Variants in PPP1R1A observed in about 807,000 individuals in gnomAD.
The protein encoded by PPP1R1A is protein phosphatase 1 regulatory inhibitor subunit 1A, also known as protein phosphatase 1 regulatory subunit 1A.
Under a neutral mutation model 23.9 loss-of-function variants are expected in PPP1R1A, and 18 were observed. The ratio of observed to expected loss-of-function variants is 0.75; its 90% CI spans 0.52 to 1.12. The LOEUF (loss-of-function observed/expected upper bound fraction) is 1.12, where lower values mean the gene tolerates loss of function less well. Among genes scored for constraint, PPP1R1A ranks in the 50% most tolerant of loss-of-function variants. The pLI, the probability that PPP1R1A is intolerant of heterozygous loss-of-function variation, is 0.00. For synonymous variants in PPP1R1A, 84 were observed against 80.7 expected (o/e 1.04, Z -0.22); for missense variants, 207 against 223.8 (o/e 0.92, Z 0.48).
chr12:54,583,799 C>G (rs182671678), intron 2 of PPP1R1A, among the ~76,000 whole-genome samples: 16 of 152,336 alleles, frequency 1.1e-4, no homozygotes, highest in Admixed American at 6.5e-4. Context: ...TCTCTGAGAA[C>G]TTGTTTTCTC....
chr12:54,580,254 C>G lies in PPP1R1A; in HGVS notation c.*133G>C. On this transcript the variant is annotated 3_prime_UTR_variant, in exon 7 of 7. Transcript: ENST00000257905. ...TCCCAGTTGGAAAAGAAGGAAAGTGCCAAGGACCTAACACCAAATTTATCA... is the reference window on the plus strand; with the variant it reads ...TCCCAGTTGGAAAAGAAGGAAAGTGGCAAGGACCTAACACCAAATTTATCA... 1 of 1,488,556 alleles carries G rather than the reference C, an allele frequency of 6.7e-7. No individual in the cohort carries two copies. Among genetic ancestry groups the G allele is most frequent in the Non-Finnish European group, 9.0e-7 (1 of 1,115,256 alleles). The allele number at this position is 1,488,556 out of a possible 1,614,324, so 92.2% of individuals were successfully genotyped here.
intron 6 of PPP1R1A, 54 bp downstream of exon 6, chr12:54,580,890 C>T (rs1172569515): frequency 7.1e-7 from 1 of 1,417,830 alleles, no homozygotes; most frequent in Non-Finnish European, 1.0e-6. Flanking sequence ...TTGCTTTTGT[C>T]CACAATATTA....
At chr12:54,582,206 C>T in intron 4 of PPP1R1A, 75 bp from the exon 5 acceptor site, 2 of 1,448,544 alleles carry the variant, frequency 1.4e-6, no homozygotes, top group Non-Finnish European at 1.8e-6. Flanking sequence ...CCGGATTCAA[C>T]AGCCCCACTA....
Position 54,588,507 on chromosome 12 carries a change from T to C in PPP1R1A, c.-19A>G. On this transcript the variant is annotated 5_prime_UTR_variant, in exon 1 of 7. Transcript: ENST00000257905. ...GCTCCATGGCTGGGGCGGCGGCCGG[T>C]GGGCCCGCGCTGCGGCGGGAGGGAA... 1 of 1,330,840 alleles carries C rather than the reference T, an allele frequency of 7.5e-7. No homozygotes were observed. Among genetic ancestry groups the C allele is most frequent in the Admixed American group, 3.5e-5 (1 of 28,444 alleles). 82.4% of individuals were successfully genotyped at this position (1,330,840 alleles called of 1,614,324 possible). A position where few individuals can be genotyped will look rare whatever the true frequency, so the allele number is the denominator to read the frequency against.
Position 54,579,893 on chromosome 12 carries a change from G to A in PPP1R1A, c.*494C>T. 1 of 986,666 alleles carries A rather than the reference G, an allele frequency of 1.0e-6. No individual in the cohort carries two copies. The highest frequency in any genetic ancestry group is 5.2e-4 in the Middle Eastern group (1 of 1,918). 61.1% of individuals were successfully genotyped at this position (986,666 alleles called of 1,614,324 possible). On this transcript the variant is annotated 3_prime_UTR_variant, in exon 7 of 7. Coordinates refer to ENST00000257905, the MANE Select transcript of PPP1R1A (RefSeq NM_006741.4). ...GGTGCAGTTCCCCTTTTGTCCAGCA[G>A]ATGGAGCCCACCGCACAGTCACAGC...
Position 54,588,597 on chromosome 12 carries a change from G to C in PPP1R1A, c.-109C>G. On this transcript the variant is annotated 5_prime_UTR_variant, in exon 1 of 7. Transcript: ENST00000257905. Reference sequence around the variant, plus strand: ...CCGCTCCGCTCCGGCCCCGGCCCCAGCCCGGCGCGCTCGGCTCCCGGCTCC... The same window carrying C: ...CCGCTCCGCTCCGGCCCCGGCCCCACCCCGGCGCGCTCGGCTCCCGGCTCC... The C allele has an allele frequency of 1.9e-6, 1 of 533,490 alleles. No individual in the cohort carries two copies. Among genetic ancestry groups the C allele is most frequent in the Non-Finnish European group, 2.7e-6 (1 of 375,740 alleles). The allele number at this position is 533,490 out of a possible 1,614,324, so 33.0% of individuals were successfully genotyped here.
Position 54,579,656 on chromosome 12 carries a change from C to A in PPP1R1A, c.*731G>T. The A allele has an allele frequency of 1.0e-6, 1 of 985,474 alleles. No homozygotes were observed. Among genetic ancestry groups the A allele is most frequent in the Non-Finnish European group, 1.2e-6 (1 of 829,970 alleles). 61.0% of individuals were successfully genotyped at this position (985,474 alleles called of 1,614,324 possible). The stretch of plus-strand genomic sequence containing the variant: ...AATGTCTAGGACAAGGGAACCCTTC[C>A]AGTCTCCAGCATGGGCCTCTTCATT... On this transcript the variant is annotated 3_prime_UTR_variant, in exon 7 of 7. Coordinates refer to ENST00000257905, the MANE Select transcript of PPP1R1A (RefSeq NM_006741.4).
rs1957826167 is a variant in PPP1R1A, at chr12:54,579,294, C to T, written c.*1093G>A. 1.0e-6 allele frequency: 1 copy of T among 984,994 alleles called. No individual in the cohort carries two copies. Among genetic ancestry groups the T allele is most frequent in the Non-Finnish European group, 1.2e-6 (1 of 829,918 alleles). The allele number at this position is 984,994 out of a possible 1,614,324, so 61.0% of individuals were successfully genotyped here. A position where few individuals can be genotyped will look rare whatever the true frequency, so the allele number is the denominator to read the frequency against. ...TTGACCAAGCATCTTCACATACATA[C>T]ACTCTTTCCAGCATGATAAAATCTG... is the stretch of plus-strand genomic sequence containing the variant. On this transcript the variant is annotated 3_prime_UTR_variant, in exon 7 of 7. Coordinates refer to ENST00000257905, the MANE Select transcript of PPP1R1A (RefSeq NM_006741.4).
Position 54,581,922 on chromosome 12 carries a change from C to T in PPP1R1A, c.403+54G>A, listed in dbSNP as rs1165648803. 2.6e-6 allele frequency: 4 copies of T among 1,562,564 alleles called. No homozygotes were observed. In the African/African-American group the frequency reaches 4.1e-5, roughly 16 times the overall value. ...CCTCCCCGCAGTGGGTAAGGCTTGCCTCCTGCTGGGCTGGGAAATAGGATG... is the reference window on the plus strand; with the variant it reads ...CCTCCCCGCAGTGGGTAAGGCTTGCTTCCTGCTGGGCTGGGAAATAGGATG... On this transcript the variant is annotated intron_variant, in intron 5 of 6. Coordinates refer to ENST00000257905, the MANE Select transcript of PPP1R1A (RefSeq NM_006741.4). This position sits in a 1 kb window ranked among gnomAD's most constrained non-coding sequence, Gnocchi z 4.1.
rs1194851242 is a variant in PPP1R1A, at chr12:54,581,848, A to C, written c.403+128T>G. On this transcript the variant is annotated intron_variant, in intron 5 of 6. Transcript: ENST00000257905. This position sits in a 1 kb window ranked among gnomAD's most constrained non-coding sequence, Gnocchi z 4.1. ...ACATGCCAACAGATCCATATCCTTG[A>C]GACAGTTTTTGCCTACTACTAGGCC... 1.5e-5 allele frequency: 15 copies of C among 974,350 alleles called. No individual in the cohort carries two copies. The highest frequency in any genetic ancestry group is 3.3e-4 in the Middle Eastern group (1 of 3,008). 60.4% of individuals were successfully genotyped at this position (974,350 alleles called of 1,614,324 possible). A position where few individuals can be genotyped will look rare whatever the true frequency, so the allele number is the denominator to read the frequency against.
intron 4 of PPP1R1A, among the ~76,000 whole-genome samples, 184 bp from the exon 5 acceptor site, chr12:54,582,315 A>C (rs1957862970): frequency 6.6e-6 from 1 of 152,136 alleles, no homozygotes. Context: ...TGAAAACTAG[A>C]CCATAAAAAG....
Position 54,582,094 on chromosome 12 carries a change from C to T in PPP1R1A, c.285G>A (p.Gln95=). Residue 95 remains glutamine (Q), a synonymous_variant, in exon 5 of 7, where the codon CAG becomes CAA. Coordinates refer to ENST00000257905, the MANE Select transcript of PPP1R1A (RefSeq NM_006741.4). ...QMMVEHHLGQ[Q]QQGEEPEGAA... ...CCCCCTCAGGTTCCTCTCCTTGCTGCTGTTGCCCCAGGTGATGTTCAACCA... is the reference window on the plus strand; with the variant it reads ...CCCCCTCAGGTTCCTCTCCTTGCTGTTGTTGCCCCAGGTGATGTTCAACCA... 6.2e-7 allele frequency: 1 copy of T among 1,613,790 alleles called. No individual in the cohort carries two copies. The highest frequency in any genetic ancestry group is 8.5e-7 in the Non-Finnish European group (1 of 1,179,800).
chr12:54,580,547 G>A (rs1340695415), intron 6 of PPP1R1A, among the ~76,000 whole-genome samples, 155 bp from the exon 7 acceptor site: 5 of 152,198 alleles, frequency 3.3e-5, no homozygotes, highest in Non-Finnish European at 7.3e-5. Flanking sequence ...AGTCTATGCA[G>A]GGGGCTGCGG....
In PPP1R1A at chr12:54,580,131, C is replaced by A. The variant is rs542545030; in HGVS notation, c.*256G>T. The A allele has an allele frequency of 7.7e-7, 1 of 1,295,306 alleles. No homozygotes were observed. Among genetic ancestry groups the A allele is most frequent in the Non-Finnish European group, 9.8e-7 (1 of 1,015,658 alleles). 80.2% of individuals were successfully genotyped at this position (1,295,306 alleles called of 1,614,324 possible). ...GGGAAGAACTCTTCCCTGCTCAAGG[C>A]TTCTGCCTAGCTCCTGTTTCTTCCT... On this transcript the variant is annotated 3_prime_UTR_variant, in exon 7 of 7. Coordinates refer to ENST00000257905, the MANE Select transcript of PPP1R1A (RefSeq NM_006741.4).
At position 54,579,773 on chromosome 12, in the gene PPP1R1A, T is replaced by C. The variant is rs955024037; in HGVS notation, c.*614A>G. On this transcript the variant is annotated 3_prime_UTR_variant, in exon 7 of 7. Coordinates refer to ENST00000257905, the MANE Select transcript of PPP1R1A (RefSeq NM_006741.4). ...TGGAAGAGGGAACACATCCTGAAGC[T>C]TGGGAATCCAAAAGGAAGGCAGCTG... 1.3e-5 allele frequency: 13 copies of C among 985,566 alleles called. No individual in the cohort carries two copies. Among genetic ancestry groups the C allele is most frequent in the Non-Finnish European group, 1.6e-5 (13 of 830,138 alleles). 61.1% of individuals were successfully genotyped at this position (985,566 alleles called of 1,614,324 possible).
intron 3 of PPP1R1A, 72 bp downstream of exon 3, chr12:54,583,139 G>C: frequency 6.9e-7 from 1 of 1,456,752 alleles, no homozygotes; most frequent in South Asian, 1.4e-5. Flanking sequence ...TGGGCGGCAG[G>C]GTTTTAAGGA....
At position 54,584,247 on chromosome 12, in the gene PPP1R1A, TC is replaced by T; in HGVS notation, c.145+12del. On this transcript the variant is annotated intron_variant, in intron 2 of 6. Transcript: ENST00000257905. ...GGCCCCCACGCCCTTCAGCAACCTA[TC>T]CCTTGGCTTACCTGGGGATGACTGG... 1 of 1,592,398 alleles carries T rather than the reference TC, an allele frequency of 6.3e-7. No homozygotes were observed. Among genetic ancestry groups the T allele is most frequent in the Non-Finnish European group, 8.6e-7 (1 of 1,168,538 alleles).
rs929324664 is a variant in PPP1R1A at position 54,579,555 on chromosome 12, C to A, written c.*832G>T. 1.0e-6 allele frequency: 1 copy of A among 985,444 alleles called. No individual in the cohort carries two copies. Among genetic ancestry groups the A allele is most frequent in the Non-Finnish European group, 1.2e-6 (1 of 829,988 alleles). 61.0% of individuals were successfully genotyped at this position (985,444 alleles called of 1,614,324 possible). ...TACCTGGGAAAATCAAAAACAGCAGCAGGAGAGAGGCCTGGCCGTGAGATC... is the reference window on the plus strand; with the variant it reads ...TACCTGGGAAAATCAAAAACAGCAGAAGGAGAGAGGCCTGGCCGTGAGATC... On this transcript the variant is annotated 3_prime_UTR_variant, in exon 7 of 7. Coordinates refer to ENST00000257905, the MANE Select transcript of PPP1R1A (RefSeq NM_006741.4).
chr12:54,579,905 C>T lies in PPP1R1A; in HGVS notation c.*482G>A, dbSNP rs1957837859. On this transcript the variant is annotated 3_prime_UTR_variant, in exon 7 of 7. Transcript: ENST00000257905. ...CTTTTGTCCAGCAGATGGAGCCCAC[C>T]GCACAGTCACAGCTGGACACGGCAC... is the stretch of plus-strand genomic sequence containing the variant. 3.0e-6 allele frequency: 3 copies of T among 986,672 alleles called. No homozygotes were observed. The highest frequency in any genetic ancestry group is 1.7e-5 in the African/African-American group (1 of 57,250). The allele number at this position is 986,672 out of a possible 1,614,324, so 61.1% of individuals were successfully genotyped here.
Sources: gnomAD v4.1 joint callset for allele counts (sites outside exome capture counted in the v4.1 genomes callset) on GRCh38, gnomAD v4.1.1 for gene constraint, Gnocchi (gnomAD v3.1) non-coding constraint, MANE v1.5 for transcripts, NCBI Gene and HGNC (gene_info 2026-07-23, HGNC 2026-07-21) for gene names.